Variants in ESYT3 observed in about 807,000 individuals in gnomAD.
The protein encoded by ESYT3 is extended synaptotagmin-3.
In ESYT3, 101 loss-of-function variants were observed where a neutral mutation model predicts 111.5. The ratio of observed to expected loss-of-function variants is 0.91; its 90% CI spans 0.77 to 1.07. ESYT3 has a LOEUF of 1.07. Among genes scored for constraint, ESYT3 ranks in the 50% least tolerant of loss-of-function variants. The pLI is 0.00. For missense variants in ESYT3, 1,097 were observed against 1,109.4 expected (o/e 0.99, Z 0.16); for synonymous variants, 416 against 446.8 (o/e 0.93, Z 0.87).
chr3:138,470,892 C>T lies in ESYT3; in HGVS notation c.1606C>T (p.Gln536Ter). ...RLHLKVLDDD[Q>*]ECALGMLEVP... ...CACTGCCCAGGTGCTTGATGATGAC[C>T]AGGAGTGTGCTCTGGGAATGCTGGA... Residue 536 changes from glutamine (Q) to a stop codon, truncating the protein, a stop_gained, in exon 17 of 23, where the codon CAG (glutamine) becomes TAG (stop). Coordinates refer to ENST00000389567, the MANE Select transcript of ESYT3 (RefSeq NM_031913.5). LOFTEE classifies it high-confidence loss of function. 6.2e-7 allele frequency: 1 copy of T among 1,614,124 alleles called. No individual in the cohort carries two copies. Among genetic ancestry groups the T allele is most frequent in the Non-Finnish European group, 8.5e-7 (1 of 1,180,018 alleles).
rs1040686847 is a variant in ESYT3, at chr3:138,477,889, C to T, written c.*1035C>T. 1 of 152,252 alleles carries T rather than the reference C, an allele frequency of 6.6e-6. No individual in the cohort carries two copies. Among genetic ancestry groups the T allele is most frequent in the Non-Finnish European group, 1.5e-5 (1 of 68,046 alleles). 9.4% of individuals were successfully genotyped at this position (152,252 alleles called of 1,614,324 possible). On this transcript the variant is annotated 3_prime_UTR_variant, in exon 23 of 23. Coordinates refer to ENST00000389567, the MANE Select transcript of ESYT3 (RefSeq NM_031913.5). ...TTTTCTGTCTCTGCCTCTGCCTTCA[C>T]TGCCACTTTTCTGAAGCAGGGCAAC...
chr3:138,455,987 C>T (rs1381527433), intron 3 of ESYT3, among the ~76,000 whole-genome samples: 1 of 152,222 alleles, frequency 6.6e-6, no homozygotes, highest in African/African-American at 2.4e-5. Context: ...CCAGAGACCA[C>T]TGTGACCCAG....
chr3:138,435,499 G>A lies in ESYT3; in HGVS notation c.327+374G>A, dbSNP rs114418377. ...AAGGCATTTCTTCCACCCGCCTGTT[G>A]ATTCAGAGAACGAACGCCGGACGCA... On this transcript the variant is annotated intron_variant, in intron 1 of 22. Coordinates refer to ENST00000389567, the MANE Select transcript of ESYT3 (RefSeq NM_031913.5). The surrounding 1 kb of genome is among the most constrained non-coding windows in gnomAD (Gnocchi z 4.8). Among the ~76,000 whole-genome samples, 3 of 152,222 alleles carry A rather than the reference G, an allele frequency of 2.0e-5. No homozygotes were observed. Among genetic ancestry groups the A allele is most frequent in the Non-Finnish European group, 4.4e-5 (3 of 68,050 alleles).
At chr3:138,468,060 A>G (rs764394671) in intron 11 of ESYT3, 45 bp from the exon 12 acceptor site, 2 of 1,562,608 alleles carry the variant, frequency 1.3e-6, no homozygotes, top group South Asian at 2.2e-5. Flanking sequence ...CATCAGTAGC[A>G]TCTCCCTGGC....
rs1327078512 is a variant in ESYT3, at chr3:138,435,228, C to T, written c.327+103C>T. 62 of 1,206,534 alleles carry T rather than the reference C, an allele frequency of 5.1e-5. No homozygotes were observed. The highest frequency in any genetic ancestry group is 6.7e-5 in the Non-Finnish European group (59 of 886,340). The allele number at this position is 1,206,534 out of a possible 1,614,324, so 74.7% of individuals were successfully genotyped here. On this transcript the variant is annotated intron_variant, in intron 1 of 22. Transcript: ENST00000389567. This position sits in a 1 kb window ranked among gnomAD's most constrained non-coding sequence, Gnocchi z 4.8. ...TGGTGCGCGCAAACCCGAGGCAGGG[C>T]GGGAGCCCGGCGACCTGCACACCCC...
At chr3:138,454,865 G>A (rs751298267) in intron 2 of ESYT3, among the ~76,000 whole-genome samples, 8 of 152,130 alleles carry the variant, frequency 5.3e-5, no homozygotes, top group Non-Finnish European at 1.0e-4. Context: ...AGTGTAGAAT[G>A]AGATTATGTT....
intron 8 of ESYT3, among the ~76,000 whole-genome samples, chr3:138,463,243 C>T (rs1002658041): frequency 4.6e-5 from 7 of 152,092 alleles, no homozygotes; most frequent in African/African-American, 1.7e-4. Flanking sequence ...TACAGGGGCA[C>T]ACCACCAAGC....
intron 1 of ESYT3, 67 bp from the exon 2 acceptor site, chr3:138,451,977 AGGCT>A: frequency 6.4e-7 from 1 of 1,565,226 alleles, no homozygotes; most frequent in East Asian, 2.2e-5. Context: ...GAAGCCCGCC[AGGCT>A]GGCTTGCTTG....
chr3:138,462,995 T>C lies in ESYT3; in HGVS notation c.915+789T>C, dbSNP rs573713136. ...CTTAATATGAACAAATACATATATATGGTCGTATGACACATATTTGCTTAT... is the reference window on the plus strand; with the variant it reads ...CTTAATATGAACAAATACATATATACGGTCGTATGACACATATTTGCTTAT... On this transcript the variant is annotated intron_variant, in intron 8 of 22. Transcript: ENST00000389567. Among the ~76,000 whole-genome samples, 5 of 152,272 alleles carry C rather than the reference T, an allele frequency of 3.3e-5. No individual in the cohort carries two copies. The East Asian group carries it at 9.7e-4, about 29-fold the overall frequency.
chr3:138,473,780 A>G (rs1176128167), intron 19 of ESYT3, 146 bp downstream of exon 19: 1 of 722,708 alleles, frequency 1.4e-6, no homozygotes, highest in Non-Finnish European at 2.2e-6. Context: ...AGGCCTGAAC[A>G]CTGTAATCAA....
chr3:138,466,284 G>A (rs1307303554), intron 10 of ESYT3, among the ~76,000 whole-genome samples: 1 of 152,212 alleles, frequency 6.6e-6, no homozygotes, highest in Non-Finnish European at 1.5e-5. Flanking sequence ...TCTTCAGATT[G>A]CTGTGTTGTT....
Position 138,478,697 on chromosome 3 carries a change from G to C in ESYT3, c.*1843G>C, listed in dbSNP as rs960550125. On this transcript the variant is annotated 3_prime_UTR_variant, in exon 23 of 23. Coordinates refer to ENST00000389567, the MANE Select transcript of ESYT3 (RefSeq NM_031913.5). ...TGGTCTGAAGAGGAGTTAAAATGTT[G>C]AAGGGAACCAGAATTTTAGTACACA... is the stretch of plus-strand genomic sequence containing the variant. 6.6e-6 allele frequency: 1 copy of C among 152,154 alleles called. No individual in the cohort carries two copies. The highest frequency in any genetic ancestry group is 1.5e-5 in the Non-Finnish European group (1 of 68,042). The allele number at this position is 152,154 out of a possible 1,614,324, so 9.4% of individuals were successfully genotyped here.
At chr3:138,453,407 A>G (rs1325321468) in intron 2 of ESYT3, among the ~76,000 whole-genome samples, 3 of 152,206 alleles carry the variant, frequency 2.0e-5, no homozygotes, top group Non-Finnish European at 4.4e-5. Context: ...CTTTAAACTC[A>G]GGAGGCACTT....
At chr3:138,450,998 T>G (rs2031887519) in intron 1 of ESYT3, among the ~76,000 whole-genome samples, 1 of 152,246 alleles carries the variant, frequency 6.6e-6, no homozygotes, top group South Asian at 2.1e-4. Context: ...GAACAGTGTT[T>G]TGTGCAGGTA....
intron 8 of ESYT3, among the ~76,000 whole-genome samples, chr3:138,463,115 C>T (rs113616788): frequency 1.1e-3 from 170 of 151,966 alleles, no homozygotes; most frequent in African/African-American, 1.6e-3. Context: ...GAGGTGGTGG[C>T]GGGGAGTCTT....
Position 138,472,612 on chromosome 3 carries a change from CCAGAGCCTAAAGGCAAGGA to C in ESYT3, c.1994_2012del (p.Glu665ValfsTer20). The C allele has an allele frequency of 6.2e-7, 1 of 1,614,190 alleles. No homozygotes were observed. Among genetic ancestry groups the C allele is most frequent in the Non-Finnish European group, 8.5e-7 (1 of 1,180,034 alleles). Reference sequence around the variant, plus strand: ...TGAGCCCACATCCCAAGAGACAGGCCCAGAGCCTAAAGGCAAGGACAGTGCCAAAAGGTTCTGTGAGCCC... The same window carrying C: ...TGAGCCCACATCCCAAGAGACAGGCCCAGTGCCAAAAGGTTCTGTGAGCCC... On this transcript the variant is annotated frameshift_variant, in exon 18 of 23. Coordinates refer to ENST00000389567, the MANE Select transcript of ESYT3 (RefSeq NM_031913.5). LOFTEE classifies it high-confidence loss of function.
In ESYT3 at chr3:138,450,314, AT is replaced by A. The variant is rs557313732; in HGVS notation, c.328-1731del. Among the ~76,000 whole-genome samples, 446 of 152,268 alleles carry A rather than the reference AT, an allele frequency of 2.9e-3. 1 individual carries two copies. Among genetic ancestry groups the A allele is most frequent in the African/African-American group, 9.6e-3 (398 of 41,570 alleles). On this transcript the variant is annotated intron_variant, in intron 1 of 22. Transcript: ENST00000389567. ...AAGAAACGGAAAGGTCTTGCCTTCCATTTGCCTGGTTCCCAGCTGAGACCAG... is the reference window on the plus strand; with the variant it reads ...AAGAAACGGAAAGGTCTTGCCTTCCATTGCCTGGTTCCCAGCTGAGACCAG...
At chr3:138,461,795 T>G (rs2032655341) in intron 7 of ESYT3, among the ~76,000 whole-genome samples, 1 of 152,178 alleles carries the variant, frequency 6.6e-6, no homozygotes, top group Non-Finnish European at 1.5e-5. Context: ...TAACACAGGC[T>G]TCAGCCTTGC....
At chr3:138,462,380 G>A (rs575188463) in intron 8 of ESYT3, 174 bp downstream of exon 8, 1 of 873,784 alleles carries the variant, frequency 1.1e-6, no homozygotes, top group East Asian at 2.7e-5. Context: ...TGTCCTTGGG[G>A]TGTATCCCAC....
Sources: gnomAD v4.1 joint callset for allele counts (sites outside exome capture counted in the v4.1 genomes callset) on GRCh38, gnomAD v4.1.1 for gene constraint, Gnocchi (gnomAD v3.1) non-coding constraint, MANE v1.5 for transcripts, NCBI Gene and HGNC (gene_info 2026-07-23, HGNC 2026-07-21) for gene names.